Variants in CSMD1 observed in about 807,000 individuals in gnomAD.
CSMD1 encodes the protein CUB and sushi domain-containing protein 1.
Under a neutral mutation model 417.5 loss-of-function variants are expected in CSMD1, and 213 were observed. The ratio of observed to expected loss-of-function variants is 0.51; its 90% CI spans 0.46 to 0.57. The LOEUF is 0.57. Ranked by LOEUF, CSMD1 falls within the 20% of genes least tolerant of loss-of-function variation. CSMD1 has a pLI of 0.00. For synonymous variants in CSMD1, 2,862 were observed against 1,736.8 expected (o/e 1.65, Z -16.11); for missense variants, 6,923 against 4,529.7 (o/e 1.53, Z -15.17).
At chr8:3,619,420 G>A (rs1318378903) in intron 7 of CSMD1, among the ~76,000 whole-genome samples, 1 of 151,834 alleles carries the variant, frequency 6.6e-6, no homozygotes, top group South Asian at 2.1e-4. Context: ...CAAAGAAAGA[G>A]GGAAACATGG....
intron 7 of CSMD1, among the ~76,000 whole-genome samples, chr8:3,686,239 T>C (rs1483665600): frequency 2.6e-5 from 4 of 152,172 alleles, no homozygotes; most frequent in Non-Finnish European, 5.9e-5. Flanking sequence ...ACTGACTTCG[T>C]GGATAATCAG....
intron 3 of CSMD1, among the ~76,000 whole-genome samples, chr8:4,348,764 A>C (rs1041732894): frequency 6.6e-6 from 1 of 152,186 alleles, no homozygotes; most frequent in African/African-American, 2.4e-5. Flanking sequence ...TGTAGAAAAT[A>C]AACTACGAAT....
chr8:4,703,663 G>A (rs1385689462), intron 1 of CSMD1, among the ~76,000 whole-genome samples: 1 of 152,068 alleles, frequency 6.6e-6, no homozygotes, highest in Non-Finnish European at 1.5e-5. Context: ...TAATCTAGAA[G>A]ACAAATAGTA....
intron 5 of CSMD1, among the ~76,000 whole-genome samples, chr8:3,866,845 T>A (rs1252710425): frequency 6.6e-6 from 1 of 152,114 alleles, no homozygotes; most frequent in Non-Finnish European, 1.5e-5. Flanking sequence ...TCAACTAAAT[T>A]TACCATGTTA....
At chr8:3,734,535 A>C (rs1796429885) in intron 6 of CSMD1, among the ~76,000 whole-genome samples, 1 of 152,062 alleles carries the variant, frequency 6.6e-6, no homozygotes, top group South Asian at 2.1e-4. Context: ...ACTTGGTGAA[A>C]CCCTGTCTCT....
At chr8:3,471,664 CCCT>C (rs1585213907) in intron 11 of CSMD1, among the ~76,000 whole-genome samples, 1 of 115,410 alleles carries the variant, frequency 8.7e-6, no homozygotes, top group South Asian at 4.1e-4. Flanking sequence ...TCCTTCCTTT[CCCT>C]CCCTCCCTCC....
In CSMD1 at chr8:3,251,933, G is replaced by A. The variant is rs566782940; in HGVS notation, c.4154-21702C>T. The stretch of plus-strand genomic sequence containing the variant: ...TGATTTTGTATCCTGAGACTTTGCT[G>A]AAGTTGCTTATCAGCTTAAGGATAT... On this transcript the variant is annotated intron_variant, in intron 26 of 69. Transcript: ENST00000635120. Among the ~76,000 whole-genome samples the A allele has an allele frequency of 2.0e-5, 3 of 152,320 alleles. No homozygotes were observed. In the South Asian group the frequency reaches 6.2e-4, roughly 32 times the overall value.
At chr8:3,098,974 A>G (rs1315282506) in intron 46 of CSMD1, among the ~76,000 whole-genome samples, 3 of 151,556 alleles carry the variant, frequency 2.0e-5, no homozygotes, top group Non-Finnish European at 4.4e-5. Flanking sequence ...CTACCTTTTC[A>G]TAACTGTTAG....
intron 7 of CSMD1, among the ~76,000 whole-genome samples, chr8:3,680,821 A>T (rs2117604635): frequency 6.6e-6 from 1 of 152,338 alleles, no homozygotes; most frequent in African/African-American, 2.4e-5. Flanking sequence ...TCAGCAGCAC[A>T]TCAAAAAGCT....
chr8:3,693,590 A>G (rs913629532), intron 7 of CSMD1, among the ~76,000 whole-genome samples: 1 of 152,182 alleles, frequency 6.6e-6, no homozygotes, highest in Non-Finnish European at 1.5e-5. Context: ...GAACACTAAA[A>G]TCCCCACCCT....
chr8:4,931,430 T>G lies in CSMD1; in HGVS notation c.85+62902A>C, dbSNP rs1807238599. 2.0e-5 allele frequency among the ~76,000 whole-genome samples: 3 copies of G among 152,282 alleles called. No homozygotes were observed. In the South Asian group the frequency reaches 6.2e-4, roughly 32 times the overall value. On this transcript the variant is annotated intron_variant, in intron 1 of 69. Coordinates refer to ENST00000635120, the MANE Select transcript of CSMD1 (RefSeq NM_033225.6). ...TCGGGTCTTTGCTGGCTGGTTACCT[T>G]TAGTTGCCAATTTCAAACGCCCAGC...
At chr8:4,844,378 C>A (rs1801014359) in intron 1 of CSMD1, among the ~76,000 whole-genome samples, 1 of 152,046 alleles carries the variant, frequency 6.6e-6, no homozygotes. Context: ...ATGCCCTTCC[C>A]ATAGGAAATT....
chr8:3,262,122 T>A (rs1801110506), intron 26 of CSMD1, among the ~76,000 whole-genome samples: 1 of 148,970 alleles, frequency 6.7e-6, no homozygotes, highest in South Asian at 2.1e-4. Flanking sequence ...TGAGTTGCAG[T>A]ATTCATTTGA....
chr8:4,449,886 C>T (rs1021514954), intron 2 of CSMD1, among the ~76,000 whole-genome samples: 1 of 152,176 alleles, frequency 6.6e-6, no homozygotes, highest in African/African-American at 2.4e-5. Flanking sequence ...GCAATCTCAA[C>T]CTCCATAACA....
chr8:3,457,996 C>G (rs905413871), intron 12 of CSMD1, among the ~76,000 whole-genome samples: 4 of 152,206 alleles, frequency 2.6e-5, no homozygotes, highest in African/African-American at 4.8e-5. Flanking sequence ...ATTTCACAAG[C>G]TCTTTCATAA....
intron 3 of CSMD1, among the ~76,000 whole-genome samples, chr8:4,321,632 C>T (rs548945353): frequency 1.3e-5 from 2 of 152,134 alleles, no homozygotes; most frequent in African/African-American, 2.4e-5. Context: ...TCTGCTCTAC[C>T]TCTGCAAAGT....
chr8:4,678,729 A>G (rs187513195), intron 1 of CSMD1, among the ~76,000 whole-genome samples: 121 of 152,308 alleles, frequency 7.9e-4, no homozygotes, highest in Admixed American at 2.3e-3. Flanking sequence ...TGTTAAACAC[A>G]TGTGCTAATT....
At chr8:4,913,303 G>T (rs1412838107) in intron 1 of CSMD1, among the ~76,000 whole-genome samples, 2 of 152,122 alleles carry the variant, frequency 1.3e-5, no homozygotes, top group African/African-American at 4.8e-5. Context: ...ATCCTCATTT[G>T]GTGTTATAAT....
At chr8:4,873,598 G>A (rs1012339967) in intron 1 of CSMD1, among the ~76,000 whole-genome samples, 1 of 152,026 alleles carries the variant, frequency 6.6e-6, no homozygotes, top group Non-Finnish European at 1.5e-5. Flanking sequence ...CTTTTTTCAA[G>A]GCTAGAAATC....
Sources: allele counts gnomAD v4.1 joint callset (sites outside exome capture counted in the v4.1 genomes callset), GRCh38; gene constraint gnomAD v4.1.1; transcripts MANE v1.5; gene names NCBI Gene and HGNC (gene_info 2026-07-23, HGNC 2026-07-21).